The following NINJ2 variants were observed in gnomAD, a reference collection of about 807,000 sequenced individuals.
NINJ2 encodes ninjurin-2.
In NINJ2, 12 loss-of-function variants were observed where a neutral mutation model predicts 11.7. The ratio of observed to expected loss-of-function variants is 1.02; its 90% CI spans 0.66 to 1.66. NINJ2 has a LOEUF of 1.66. NINJ2 is among the 40% of genes most tolerant of loss of function. The probability of loss-of-function intolerance (pLI) is 0.00; values close to 1 mark genes in which losing one functional copy is unlikely to be tolerated. For synonymous variants in NINJ2, 93 were observed against 76.8 expected (o/e 1.21, Z -1.10); for missense variants, 187 against 181.8 (o/e 1.03, Z -0.16).
At chr12:607,369 TGA>T (rs1295756488) in intron 1 of NINJ2, among the ~76,000 whole-genome samples, 4 of 152,062 alleles carry the variant, frequency 2.6e-5, no homozygotes, top group African/African-American at 9.7e-5. Flanking sequence ...ATGATGATGA[TGA>T]TGATGATGAC....
intron 1 of NINJ2, among the ~76,000 whole-genome samples, chr12:598,106 G>A (rs1947814369): frequency 6.6e-6 from 1 of 152,216 alleles, no homozygotes; most frequent in Non-Finnish European, 1.5e-5. Context: ...TTAACGGGTG[G>A]GAAAGGGAAG....
chr12:588,676 A>G (rs1431299606), intron 1 of NINJ2, among the ~76,000 whole-genome samples: 1 of 152,210 alleles, frequency 6.6e-6, no homozygotes, highest in Non-Finnish European at 1.5e-5. Flanking sequence ...TCAGGAGACA[A>G]AGAGAAACGG....
chr12:594,296 T>C (rs933255593), intron 1 of NINJ2, among the ~76,000 whole-genome samples: 3 of 152,228 alleles, frequency 2.0e-5, no homozygotes, highest in African/African-American at 4.8e-5. Flanking sequence ...TGTTTTCCTA[T>C]AGATCATCAA....
chr12:601,913 G>A (rs553009626), intron 1 of NINJ2, among the ~76,000 whole-genome samples: 99 of 152,294 alleles, frequency 6.5e-4, no homozygotes, highest in African/African-American at 2.3e-3. Context: ...TGATTTCCAT[G>A]GGAATAAGAG....
chr12:642,467 G>GTGA (rs1948431332), intron 1 of NINJ2, among the ~76,000 whole-genome samples: 2 of 152,230 alleles, frequency 1.3e-5, no homozygotes, highest in African/African-American at 4.8e-5. Context: ...CTGACCTCAG[G>GTGA]TCCCCCCGCC....
Position 659,664 on chromosome 12 carries a change from T to A in NINJ2, c.33+3664A>T, listed in dbSNP as rs148664762. ...GTGCGCCACTCTTCACAGCCAGCTG[T>A]GCTGCTGCTACCCATCCCAGTCTCA... On this transcript the variant is annotated intron_variant, in intron 1 of 3. Transcript: ENST00000305108. Among the ~76,000 whole-genome samples, 52 of 152,336 alleles carry A rather than the reference T, an allele frequency of 3.4e-4. No homozygotes were observed. In the East Asian group the frequency reaches 9.8e-3, roughly 29 times the overall value.
chr12:640,815 T>A lies in NINJ2; in HGVS notation c.33+22513A>T, dbSNP rs948235124. The A allele has an allele frequency of 5.9e-5, 9 of 152,496 alleles. No homozygotes were observed. Among genetic ancestry groups the A allele is most frequent in the African/African-American group, 2.2e-4 (9 of 41,534 alleles). 9.4% of individuals were successfully genotyped at this position (152,496 alleles called of 1,614,324 possible). A position where few individuals can be genotyped will look rare whatever the true frequency, so the allele number is the denominator to read the frequency against. Reference sequence around the variant, plus strand: ...GCTAGGCCACATTTTTTTTTAATTGTTCTGTTTGTGTTGTGTTTACTCATA... The same window carrying A: ...GCTAGGCCACATTTTTTTTTAATTGATCTGTTTGTGTTGTGTTTACTCATA... On this transcript the variant is annotated intron_variant, in intron 1 of 3. Coordinates refer to ENST00000305108, the MANE Select transcript of NINJ2 (RefSeq NM_016533.6). The surrounding 1 kb of genome is among the most constrained non-coding windows in gnomAD (Gnocchi z 4.0).
At chr12:592,807 C>T (rs575657207) in intron 1 of NINJ2, among the ~76,000 whole-genome samples, 2 of 152,272 alleles carry the variant, frequency 1.3e-5, no homozygotes, top group South Asian at 4.1e-4. Context: ...TAAATACTGT[C>T]ATTATAAAAA....
chr12:661,461 T>C (rs1399108682), intron 1 of NINJ2, among the ~76,000 whole-genome samples: 1 of 152,208 alleles, frequency 6.6e-6, no homozygotes, highest in South Asian at 2.1e-4. Context: ...TTAAATAGCA[T>C]ATTAGAAGAG....
chr12:655,755 A>G lies in NINJ2; in HGVS notation c.33+7573T>C, dbSNP rs139751980. On this transcript the variant is annotated intron_variant, in intron 1 of 3. Coordinates refer to ENST00000305108, the MANE Select transcript of NINJ2 (RefSeq NM_016533.6). The stretch of plus-strand genomic sequence containing the variant: ...TGGTGAAACCCTGTCACTACTAAAA[A>G]TACAAAAATTAGCTGGGCATGGTGG... Among the ~76,000 whole-genome samples the G allele has an allele frequency of 7.2e-3, 1,098 of 152,014 alleles. 16 individuals are homozygous for G. Among genetic ancestry groups the G allele is most frequent in the African/African-American group, 0.025 (1,036 of 41,468 alleles).
rs76266013 is a variant in NINJ2, at chr12:639,627, G to A, written c.33+23701C>T. 1.5e-3 allele frequency among the ~76,000 whole-genome samples: 223 copies of A among 152,294 alleles called. 1 individual carries two copies. Among genetic ancestry groups the A allele is most frequent in the Non-Finnish European group, 2.3e-3 (156 of 68,030 alleles). On this transcript the variant is annotated intron_variant, in intron 1 of 3. Coordinates refer to ENST00000305108, the MANE Select transcript of NINJ2 (RefSeq NM_016533.6). ...ACTTGTAGGTTTGAGGTACCTATAA[G>A]GAGCTACTGATGCCTTCTGGAAACT...
At chr12:595,104 A>G (rs955635615) in intron 1 of NINJ2, among the ~76,000 whole-genome samples, 1 of 152,320 alleles carries the variant, frequency 6.6e-6, no homozygotes, top group African/African-American at 2.4e-5. Flanking sequence ...TTTTCAACTA[A>G]TTGTGCTGTA....
intron 1 of NINJ2, among the ~76,000 whole-genome samples, chr12:569,813 T>C (rs1947352113): frequency 6.6e-6 from 1 of 152,230 alleles, no homozygotes; most frequent in South Asian, 2.1e-4. Context: ...CGCAGTGTGC[T>C]TAGGGGGTGC....
At chr12:600,686 G>C (rs1592088776) in intron 1 of NINJ2, among the ~76,000 whole-genome samples, 1 of 107,484 alleles carries the variant, frequency 9.3e-6, no homozygotes, top group South Asian at 2.8e-4. Flanking sequence ...GTGTGTGTGT[G>C]TGTGTGTGTG....
intron 1 of NINJ2, among the ~76,000 whole-genome samples, chr12:601,037 C>T (rs1592089009): frequency 6.6e-6 from 1 of 152,124 alleles, no homozygotes; most frequent in African/African-American, 2.4e-5. Flanking sequence ...ACAGGTCCAC[C>T]TTGACCAGAA....
In NINJ2 at chr12:591,898, T is replaced by C. The variant is rs1947721267; in HGVS notation, c.34-25720A>G. On this transcript the variant is annotated intron_variant, in intron 1 of 3. Transcript: ENST00000305108. The surrounding 1 kb of genome is among the most constrained non-coding windows in gnomAD (Gnocchi z 5.0). ...TATGGTGTGTGACTTAACTAGTCAATTTTGAGCAAACAGAGGCCCCCAGGC... is the reference window on the plus strand; with the variant it reads ...TATGGTGTGTGACTTAACTAGTCAACTTTGAGCAAACAGAGGCCCCCAGGC... Among the ~76,000 whole-genome samples, 1 of 152,126 alleles carries C rather than the reference T, an allele frequency of 6.6e-6. No individual in the cohort carries two copies. The highest frequency in any genetic ancestry group is 1.5e-5 in the Non-Finnish European group (1 of 68,028).
intron 1 of NINJ2, chr12:632,477 A>G (rs1403924643): frequency 3.3e-5 from 5 of 152,218 alleles, no homozygotes; most frequent in Admixed American, 1.3e-4. Context: ...TGGAATGTTC[A>G]CAGGGTGTCT....
intron 1 of NINJ2, among the ~76,000 whole-genome samples, chr12:593,928 G>C (rs1947749567): frequency 6.6e-6 from 1 of 152,162 alleles, no homozygotes; most frequent in Non-Finnish European, 1.5e-5. Context: ...AGAAATGATA[G>C]AGGGAAACTT....
At chr12:634,263 TTC>T (rs1719393648) in intron 1 of NINJ2, among the ~76,000 whole-genome samples, 11 of 124,044 alleles carry the variant, frequency 8.9e-5, no homozygotes, top group African/African-American at 3.4e-4. Flanking sequence ...TTAGTTGCAG[TTC>T]TTTTTTTTTT....
Sources: allele counts gnomAD v4.1 joint callset (sites outside exome capture counted in the v4.1 genomes callset), GRCh38; gene constraint gnomAD v4.1.1; non-coding constraint Gnocchi (gnomAD v3.1); transcripts MANE v1.5; gene names NCBI Gene and HGNC (gene_info 2026-07-23, HGNC 2026-07-21).